Variants in GNAS observed in about 807,000 individuals in gnomAD.
GNAS encodes protein ALEX.
A neutral mutation model predicts 54.5 loss-of-function variants in GNAS; 8 were observed. The observed-to-expected ratio is 0.15, with a 90% CI of 0.09 to 0.26. GNAS has a LOEUF of 0.26. Among genes scored for constraint, GNAS ranks in the 10% least tolerant of loss-of-function variants. The probability of loss-of-function intolerance (pLI) is 1.00; values close to 1 mark genes in which losing one functional copy is unlikely to be tolerated. For missense variants in GNAS, 170 were observed against 529.8 expected (o/e 0.32, Z 6.67); for synonymous variants, 204 against 191.4 (o/e 1.07, Z -0.54).
chr20:58,855,174 A>G (rs1396032024), intron 1 of GNAS: 2 of 1,610,634 alleles, frequency 1.2e-6, no homozygotes, highest in African/African-American at 1.3e-5. Flanking sequence ...TCTCAAGGTC[A>G]AGAAGGTACC....
At chr20:58,866,581 G>A (rs1027746953) in intron 1 of GNAS, among the ~76,000 whole-genome samples, 19 of 152,152 alleles carry the variant, frequency 1.2e-4, no homozygotes, top group African/African-American at 4.6e-4. Flanking sequence ...AACCATTATG[G>A]AAGGGGACTT....
At chr20:58,892,234 G>C (rs2089492977) in intron 1 of GNAS, 10 of 951,062 alleles carry the variant, frequency 1.1e-5, no homozygotes, top group Non-Finnish European at 1.3e-5. Context: ...GGGGGAGGGG[G>C]AGCCCATGGG....
In GNAS at chr20:58,853,255, G is replaced by T. The variant is rs997197300; in HGVS notation, c.43+12369G>T. 2.0e-6 allele frequency: 3 copies of T among 1,529,324 alleles called. No homozygotes were observed. The East Asian group carries it at 7.4e-5, about 38-fold the overall frequency. 94.7% of individuals were successfully genotyped at this position (1,529,324 alleles called of 1,614,324 possible). A position where few individuals can be genotyped will look rare whatever the true frequency, so the allele number is the denominator to read the frequency against. On this transcript the variant is annotated intron_variant, in intron 1 of 12. Transcript: ENST00000306090. This position sits in a 1 kb window ranked among gnomAD's most constrained non-coding sequence, Gnocchi z 4.4. Reference sequence around the variant, plus strand: ...AGCCCCAAACTTATTTTGAGAGGCCGCCACCGTGTTATGGGCGTGCGCAAC... The same window carrying T: ...AGCCCCAAACTTATTTTGAGAGGCCTCCACCGTGTTATGGGCGTGCGCAAC...
chr20:58,904,518 G>C (rs151252892), intron 5 of GNAS, among the ~76,000 whole-genome samples: 1 of 152,330 alleles, frequency 6.6e-6, no homozygotes, highest in Admixed American at 6.5e-5. Flanking sequence ...AGGCCCCTTC[G>C]TGGGGAGAAT....
At position 58,850,280 on chromosome 20, in the gene GNAS, T is replaced by C. The variant is rs547187679; in HGVS notation, c.43+9394T>C. Among the ~76,000 whole-genome samples, 5 of 152,346 alleles carry C rather than the reference T, an allele frequency of 3.3e-5. No homozygotes were observed. The South Asian group carries it at 8.3e-4, about 25-fold the overall frequency. ...TGCTCTACTCTCCAGGATGAGGAAC[T>C]GGTATTTGTCTAACTTGTTAAATTT... On this transcript the variant is annotated intron_variant, in intron 1 of 12. Transcript: ENST00000306090.
chr20:58,905,029 G>C lies in GNAS; in HGVS notation c.433-354G>C, dbSNP rs2090945597. ...TGAAGTTTCTTATTTTCACAACATT[G>C]AACCATTTATTGGCATATTCTAACA... On this transcript the variant is annotated intron_variant, in intron 5 of 12. Coordinates refer to ENST00000371085, the MANE Select transcript of GNAS (RefSeq NM_000516.7). Among the ~76,000 whole-genome samples the C allele has an allele frequency of 2.6e-5, 4 of 152,110 alleles. 1 individual carries two copies. In the South Asian group the frequency reaches 8.3e-4, roughly 32 times the overall value.
At chr20:58,840,600 C>T (rs765971891), upstream of GNAS, 1 of 1,610,482 alleles carries the variant, frequency 6.2e-7, no homozygotes, top group Non-Finnish European at 8.5e-7. This position sits in a 1 kb window ranked among gnomAD's most constrained non-coding sequence, Gnocchi z 6.0. Context: ...CGTCTGCACG[C>T]TCTCAAGTTG....
intron 1 of GNAS, among the ~76,000 whole-genome samples, chr20:58,851,467 T>C (rs1172394902): frequency 1.3e-5 from 2 of 152,184 alleles, no homozygotes; most frequent in East Asian, 3.9e-4. Context: ...TCCTGCCCAG[T>C]TGCTCTGTGC....
In GNAS at chr20:58,891,567, G is replaced by C. The variant is rs867775562; in HGVS notation, c.-160G>C. ...TTCCCGCCCGTCCGCGCGCCCCGCG[G>C]CCCGCGGCCCGCAGTCCGCCCCGCG... On this transcript the variant is annotated 5_prime_UTR_variant, in exon 1 of 13. Transcript: ENST00000371085. 9.3e-6 allele frequency: 9 copies of C among 969,906 alleles called. No individual in the cohort carries two copies. The highest frequency in any genetic ancestry group is 1.8e-5 in the African/African-American group (1 of 55,458). 60.1% of individuals were successfully genotyped at this position (969,906 alleles called of 1,614,324 possible).
upstream of GNAS, chr20:58,840,071 G>A (rs2085659306): frequency 6.2e-7 from 1 of 1,607,368 alleles, no homozygotes; most frequent in Non-Finnish European, 8.5e-7. The surrounding 1 kb of genome is among the most constrained non-coding windows in gnomAD (Gnocchi z 6.0). Flanking sequence ...TGCAGAGCCA[G>A]AGGGCAGGCC....
intron 1 of GNAS, chr20:58,855,382 G>A: frequency 1.3e-6 from 2 of 1,524,884 alleles, no homozygotes; most frequent in South Asian, 1.2e-5. Context: ...CGGGGAACCG[G>A]GGAGGGGGTG....
At chr20:58,883,192 A>G (rs922796903) in intron 1 of GNAS, among the ~76,000 whole-genome samples, 1 of 152,220 alleles carries the variant, frequency 6.6e-6, no homozygotes, top group Non-Finnish European at 1.5e-5. Flanking sequence ...TGCATAGTAC[A>G]AATCATTGGA....
chr20:58,841,572 G>C lies in GNAS; in HGVS notation c.43+686G>C, dbSNP rs536053674. On this transcript the variant is annotated intron_variant, in intron 1 of 12. Transcript: ENST00000306090. The surrounding 1 kb of genome is among the most constrained non-coding windows in gnomAD (Gnocchi z 5.0). ...TGGCCGCCACAGCCCGCCTCCCGTC[G>C]CTCGCGGGACAGAGACCGCCTCAAA... 5.0e-6 allele frequency: 5 copies of C among 1,003,424 alleles called. No homozygotes were observed. The highest frequency in any genetic ancestry group is 1.7e-5 in the African/African-American group (1 of 57,990). The allele number at this position is 1,003,424 out of a possible 1,614,324, so 62.2% of individuals were successfully genotyped here.
At chr20:58,894,065 C>G (rs1396993543) in intron 1 of GNAS, among the ~76,000 whole-genome samples, 1 of 152,216 alleles carries the variant, frequency 6.6e-6, no homozygotes, top group African/African-American at 2.4e-5. Context: ...TGCCTCCCCA[C>G]AAAAGAGGAA....
At chr20:58,890,176 G>A (rs1006969971), upstream of GNAS, among the ~76,000 whole-genome samples, 5 of 151,714 alleles carry the variant, frequency 3.3e-5, no homozygotes, top group African/African-American at 9.7e-5. Context: ...GAGAAGGAGA[G>A]GAAGAAGATG....
intron 1 of GNAS, among the ~76,000 whole-genome samples, chr20:58,882,342 C>G (rs2088288925): frequency 6.6e-6 from 1 of 152,254 alleles, no homozygotes; most frequent in Non-Finnish European, 1.5e-5. Flanking sequence ...GCCACCGCGC[C>G]CGGCCTCATT....
intron 5 of GNAS, among the ~76,000 whole-genome samples, chr20:58,905,134 G>A (rs186818825): frequency 2.6e-5 from 4 of 152,240 alleles, no homozygotes; most frequent in African/African-American, 9.6e-5. Context: ...CCCTACACAC[G>A]AGAAAAGAAA....
At chr20:58,844,443 C>A (rs1486206694) in intron 1 of GNAS, among the ~76,000 whole-genome samples, 1 of 152,156 alleles carries the variant, frequency 6.6e-6, no homozygotes, top group Non-Finnish European at 1.5e-5. Flanking sequence ...ACTCTATTTC[C>A]TATAACTTGA....
At position 58,891,485 on chromosome 20, in the gene GNAS, C is replaced by T. The variant is rs1186731597; in HGVS notation, c.-242C>T. ...GGCGGCGGCCATCAGCCCCCTCGGC[C>T]TCGGCTCGAGGGGCGGGGAGCTGCG... On this transcript the variant is annotated 5_prime_UTR_variant, in exon 1 of 13. Coordinates refer to ENST00000371085, the MANE Select transcript of GNAS (RefSeq NM_000516.7). 7 of 961,840 alleles carry T rather than the reference C, an allele frequency of 7.3e-6. No individual in the cohort carries two copies. The highest frequency in any genetic ancestry group is 1.8e-5 in the African/African-American group (1 of 56,078). The allele number at this position is 961,840 out of a possible 1,614,324, so 59.6% of individuals were successfully genotyped here.
Sources: allele counts gnomAD v4.1 joint callset (sites outside exome capture counted in the v4.1 genomes callset), GRCh38; gene constraint gnomAD v4.1.1; non-coding constraint Gnocchi (gnomAD v3.1); transcripts MANE v1.5; gene names NCBI Gene and HGNC (gene_info 2026-07-23, HGNC 2026-07-21).